Variants in AFF2 observed in about 807,000 individuals in gnomAD.
The protein encoded by AFF2 is AF4/FMR2 family member 2.
A neutral mutation model predicts 76.9 loss-of-function variants in AFF2; 14 were observed. The ratio of observed to expected loss-of-function variants is 0.18; its 90% CI spans 0.12 to 0.28. The LOEUF (loss-of-function observed/expected upper bound fraction) is 0.28, where lower values mean the gene tolerates loss of function less well. Among genes scored for constraint, AFF2 ranks in the 10% least tolerant of loss-of-function variants. The pLI is 1.00. For synonymous variants in AFF2, 398 were observed against 366.7 expected, an observed-to-expected ratio of 1.09 and a Z score of -0.98; for missense variants, 868 against 1,001.1, an observed-to-expected ratio of 0.87 and a Z score of 1.79.
At chrX:148,538,869 G>A (rs1245901423) in intron 1 of AFF2, among the ~76,000 whole-genome samples, 1 of 111,381 alleles carries the variant, frequency 9.0e-6, no homozygotes, top group Non-Finnish European at 1.9e-5. Context: ...GAAGCCCCGT[G>A]ACTTTTATAC....
At chrX:148,608,152 G>A (rs1205341955) in intron 1 of AFF2, among the ~76,000 whole-genome samples, 1 of 111,727 alleles carries the variant, frequency 9.0e-6, no homozygotes, top group East Asian at 2.8e-4. Context: ...GGACAAAAAA[G>A]CCATGGTCTG....
At chrX:148,663,417 G>T (rs1330578998) in intron 3 of AFF2, among the ~76,000 whole-genome samples, 1 of 112,005 alleles carries the variant, frequency 8.9e-6, no homozygotes, top group Admixed American at 9.5e-5. Context: ...AGCATTACGA[G>T]CAACCAAAAG....
At position 148,809,207 on chromosome X, in the gene AFF2, T is replaced by A. The variant is rs782231007; in HGVS notation, c.1042-669T>A. On this transcript the variant is annotated intron_variant, in intron 3 of 20. Transcript: ENST00000370460. Reference sequence around the variant, plus strand: ...CACTGTCTTACAGCTGGTTGCTTATTTTGTTATCTCGCTTCTTGCTTTCAC... The same window carrying A: ...CACTGTCTTACAGCTGGTTGCTTATATTGTTATCTCGCTTCTTGCTTTCAC... 7.1e-5 allele frequency among the ~76,000 whole-genome samples: 8 copies of A among 112,181 alleles called. No individual in the cohort carries two copies. The South Asian group carries it at 3.0e-3, about 42-fold the overall frequency.
intron 9 of AFF2, among the ~76,000 whole-genome samples, chrX:148,918,042 G>A (rs1240707196): frequency 9.0e-6 from 1 of 111,456 alleles, no homozygotes; most frequent in Non-Finnish European, 1.9e-5. Context: ...GATTTTATTG[G>A]AAAATCACCA....
chrX:148,732,245 T>C lies in AFF2; in HGVS notation c.1041+69477T>C, dbSNP rs1257086956. ...TACACCATGGAATACTATGCAGCCA[T>C]AAAAAATGATGAGTTCACGTCCTTT... On this transcript the variant is annotated intron_variant, in intron 3 of 20. Coordinates refer to ENST00000370460, the MANE Select transcript of AFF2 (RefSeq NM_002025.4). Among the ~76,000 whole-genome samples, 623 of 93,036 alleles carry C rather than the reference T, an allele frequency of 6.7e-3. 9 individuals are homozygous for C. The highest frequency in any genetic ancestry group is 0.023 in the African/African-American group (542 of 23,203). The allele number at this position is 93,036 out of a possible 115,157, so 80.8% of individuals were successfully genotyped here. A position where few individuals can be genotyped will look rare whatever the true frequency, so the allele number is the denominator to read the frequency against.
chrX:148,838,998 C>G (rs1340254489), intron 5 of AFF2, among the ~76,000 whole-genome samples: 1 of 111,977 alleles, frequency 8.9e-6, no homozygotes, highest in Non-Finnish European at 1.9e-5. Context: ...TTCTCCTTCC[C>G]CCTGGCATCT....
At chrX:148,792,479 A>T (rs1361104064) in intron 3 of AFF2, among the ~76,000 whole-genome samples, 3 of 112,746 alleles carry the variant, frequency 2.7e-5, no homozygotes, top group African/African-American at 9.7e-5. Flanking sequence ...ATATATAACC[A>T]TTCTTATGAC....
intron 1 of AFF2, among the ~76,000 whole-genome samples, chrX:148,619,258 A>T (rs1557250912): frequency 9.0e-6 from 1 of 111,357 alleles, no homozygotes. Context: ...TTTCTCCAAG[A>T]TAGCTCAGGT....
At chrX:148,877,238 G>A (rs1479938118) in intron 7 of AFF2, among the ~76,000 whole-genome samples, 4 of 112,130 alleles carry the variant, frequency 3.6e-5, no homozygotes, top group African/African-American at 1.3e-4. Context: ...AATTAGCCAG[G>A]CCTTGGCCTT....
At chrX:148,535,937 C>G (rs1240051399) in intron 1 of AFF2, among the ~76,000 whole-genome samples, 1 of 112,178 alleles carries the variant, frequency 8.9e-6, no homozygotes, top group African/African-American at 3.2e-5. Flanking sequence ...GAGTGCCCCC[C>G]TCATTCCCAT....
chrX:148,961,476 G>C (rs1048614425), intron 12 of AFF2, among the ~76,000 whole-genome samples: 1 of 112,221 alleles, frequency 8.9e-6, no homozygotes, highest in African/African-American at 3.2e-5. Context: ...ATCAATTGAG[G>C]TAATGACAGA....
At chrX:148,687,059 T>G (rs1466234434) in intron 3 of AFF2, among the ~76,000 whole-genome samples, 1 of 111,886 alleles carries the variant, frequency 8.9e-6, no homozygotes, top group Non-Finnish European at 1.9e-5. Context: ...ATAGATACTT[T>G]AACGCTTAAG....
At chrX:148,759,592 G>GA (rs2069416367) in intron 3 of AFF2, among the ~76,000 whole-genome samples, 1 of 111,961 alleles carries the variant, frequency 8.9e-6, no homozygotes, top group African/African-American at 3.2e-5. Flanking sequence ...CCTCTCTGCT[G>GA]ACATTATTGT....
chrX:148,550,793 A>T (rs1336628008), intron 1 of AFF2, among the ~76,000 whole-genome samples: 2 of 111,628 alleles, frequency 1.8e-5, no homozygotes, highest in Non-Finnish European at 3.8e-5. Flanking sequence ...GTGCTTGATA[A>T]GATTACAGGC....
In AFF2 at chrX:148,569,174, G is replaced by C. The variant is rs782475111; in HGVS notation, c.47+68030G>C. ...TGGTGATGGTGATAATGATCATGAT[G>C]ATGAGGAGGAGGAGGAGGAGGAACA... On this transcript the variant is annotated intron_variant, in intron 1 of 20. Transcript: ENST00000370460. Among the ~76,000 whole-genome samples the C allele has an allele frequency of 7.4e-4, 82 of 110,796 alleles. 1 individual carries two copies. The highest frequency in any genetic ancestry group is 4.7e-3 in the Middle Eastern group (1 of 215).
chrX:148,870,682 C>T (rs1313753932), intron 7 of AFF2, among the ~76,000 whole-genome samples: 1 of 112,409 alleles, frequency 8.9e-6, no homozygotes, highest in Admixed American at 9.4e-5. Flanking sequence ...TTAACAACAG[C>T]AGCTATCTCT....
chrX:148,709,838 T>C (rs2054941570), intron 3 of AFF2, among the ~76,000 whole-genome samples: 1 of 112,142 alleles, frequency 8.9e-6, no homozygotes, highest in Admixed American at 9.5e-5. Context: ...AAAATGGGAA[T>C]TGTAATACTT....
At chrX:148,560,886 T>C (rs1557240521) in intron 1 of AFF2, among the ~76,000 whole-genome samples, 2 of 111,622 alleles carry the variant, frequency 1.8e-5, no homozygotes, top group African/African-American at 6.5e-5. Context: ...ATGCTTTCTC[T>C]CTGGGGTTTT....
intron 1 of AFF2, among the ~76,000 whole-genome samples, chrX:148,518,054 C>T (rs1259499875): frequency 1.8e-5 from 2 of 109,967 alleles, no homozygotes; most frequent in Non-Finnish European, 3.8e-5. Context: ...ATAATTTTGT[C>T]AAATACTATT....
Sources: gnomAD v4.1 joint callset for allele counts (sites outside exome capture counted in the v4.1 genomes callset) on GRCh38, gnomAD v4.1.1 for gene constraint, MANE v1.5 for transcripts, NCBI Gene and HGNC (gene_info 2026-07-23, HGNC 2026-07-21) for gene names.